ENTPD3: variants seen among roughly 807,000 people sequenced by gnomAD.
ENTPD3 encodes the protein ectonucleoside triphosphate diphosphohydrolase 3, also known as CD39 antigen-like 3.
Under a neutral mutation model 51.2 loss-of-function variants are expected in ENTPD3, and 60 were observed. The ratio of observed to expected loss-of-function variants is 1.17; its 90% CI spans 0.95 to 1.45. The LOEUF is 1.45. Ranked by LOEUF, ENTPD3 falls within the 40% of genes most tolerant of loss-of-function variation. ENTPD3 has a pLI of 0.00. For missense variants in ENTPD3, 593 were observed against 641.1 expected (o/e 0.93, Z 0.81); for synonymous variants, 221 against 238.4 (o/e 0.93, Z 0.67).
At chr3:40,407,495 G>A (rs1955530850) in intron 4 of ENTPD3, among the ~76,000 whole-genome samples, 1 of 152,130 alleles carries the variant, frequency 6.6e-6, no homozygotes, top group Admixed American at 6.5e-5. Context: ...AAACAGGTAT[G>A]GGGTCAAATA....
chr3:40,392,150 G>T lies in ENTPD3; in HGVS notation c.168G>T (p.Lys56Asn), dbSNP rs1955072468. 1.2e-6 allele frequency: 2 copies of T among 1,613,814 alleles called. No homozygotes were observed. The highest frequency in any genetic ancestry group is 1.7e-6 in the Non-Finnish European group (2 of 1,179,936). ...HKQEVLPPGL[K>N]YGIVLDAGSS... is the part of the protein sequence containing the mutation. ...AAGAGGTCCTCCCTCCAGGACTGAA[G>T]GTAAGTGTGAAGGGACTGGCAACAA... The change falls in exon 3 of 11, where the codon AAG (lysine) becomes AAT (asparagine). Residue 56 changes from lysine to asparagine, a missense_variant and splice_region_variant. Coordinates refer to ENST00000301825, the MANE Select transcript of ENTPD3 (RefSeq NM_001248.4).
At chr3:40,397,926 A>T (rs536158208) in intron 3 of ENTPD3, among the ~76,000 whole-genome samples, 1 of 152,180 alleles carries the variant, frequency 6.6e-6, no homozygotes, top group Non-Finnish European at 1.5e-5. Context: ...TTATCCGAAC[A>T]TCACCTTGCC....
At chr3:40,409,863 T>C (rs538349862) in intron 4 of ENTPD3, among the ~76,000 whole-genome samples, 102 of 152,200 alleles carry the variant, frequency 6.7e-4, no homozygotes, top group African/African-American at 2.4e-3. Flanking sequence ...CACTAGGAAG[T>C]ATTGTTGAAT....
chr3:40,396,310 T>C (rs1253756469), intron 3 of ENTPD3, among the ~76,000 whole-genome samples: 1 of 152,198 alleles, frequency 6.6e-6, no homozygotes, highest in African/African-American at 2.4e-5. Context: ...TTTTTTTGTT[T>C]TGAAGAGGAT....
intron 3 of ENTPD3, among the ~76,000 whole-genome samples, chr3:40,400,665 T>C (rs1159444431): frequency 2.0e-5 from 3 of 152,174 alleles, no homozygotes; most frequent in African/African-American, 7.2e-5. Context: ...TCTAATGCAT[T>C]GCAAAGTGAT....
At chr3:40,419,702 C>A (rs953737582) in intron 7 of ENTPD3, among the ~76,000 whole-genome samples, 2 of 152,090 alleles carry the variant, frequency 1.3e-5, no homozygotes, top group Non-Finnish European at 2.9e-5. Context: ...TAGTTTTCAT[C>A]ATTGGTTCTG....
intron 5 of ENTPD3, among the ~76,000 whole-genome samples, chr3:40,412,383 C>T (rs1302249205): frequency 6.6e-6 from 1 of 152,194 alleles, no homozygotes; most frequent in African/African-American, 2.4e-5. Flanking sequence ...TGCTTTAAAA[C>T]AATGGCATGT....
rs1448111777 is a variant in ENTPD3 at position 40,423,134 on chromosome 3, AC to A, written c.1104+14del. ...AAGGGCCATTTGTGGTAAGAGCAAA[AC>A]CTTCTGAAAGATTCCTTTCCCCATT... On this transcript the variant is annotated intron_variant, in intron 8 of 10. Transcript: ENST00000301825. The A allele has an allele frequency of 3.1e-6, 5 of 1,601,522 alleles. No individual in the cohort carries two copies. Among genetic ancestry groups the A allele is most frequent in the Non-Finnish European group, 4.3e-6 (5 of 1,173,060 alleles).
chr3:40,428,443 T>G lies in ENTPD3; in HGVS notation c.*935T>G, dbSNP rs1040199348. ...TTCCCAGATCATAGACCTCTCTGCA[T>G]AGTAGTCATAGGTCTTGACTTTGGG... On this transcript the variant is annotated 3_prime_UTR_variant, in exon 11 of 11. Transcript: ENST00000301825. 3 of 152,188 alleles carry G rather than the reference T, an allele frequency of 2.0e-5. No homozygotes were observed. Among genetic ancestry groups the G allele is most frequent in the Non-Finnish European group, 4.4e-5 (3 of 68,040 alleles). The allele number at this position is 152,188 out of a possible 1,614,324, so 9.4% of individuals were successfully genotyped here.
chr3:40,387,723 A>G (rs1254238883), intron 1 of ENTPD3, among the ~76,000 whole-genome samples: 1 of 152,176 alleles, frequency 6.6e-6, no homozygotes, highest in Non-Finnish European at 1.5e-5. Context: ...GTGAATGTTA[A>G]TAATAGGGGG....
At chr3:40,402,111 C>CT (rs775322652) in intron 4 of ENTPD3, among the ~76,000 whole-genome samples, 18,573 of 97,826 alleles carry the variant, frequency 0.19, 3,825 homozygotes, top group African/African-American at 0.52. Flanking sequence ...ATTTCCTTTC[C>CT]TTTTTTTTTT....
chr3:40,392,010 C>A lies in ENTPD3; in HGVS notation c.41-13C>A, dbSNP rs776719973. ...CCTCCCCCTCAAGTGTCTTCTGGGT[C>A]TTCTCATTTTAGGCCTCAAGGCCCT... On this transcript the variant is annotated splice_polypyrimidine_tract_variant and intron_variant, in intron 2 of 10. Transcript: ENST00000301825. 6.2e-7 allele frequency: 1 copy of A among 1,613,810 alleles called. No homozygotes were observed. The highest frequency in any genetic ancestry group is 8.5e-7 in the Non-Finnish European group (1 of 1,179,998).
At chr3:40,424,556 T>C (rs1014860248) in intron 10 of ENTPD3, among the ~76,000 whole-genome samples, 2 of 151,904 alleles carry the variant, frequency 1.3e-5, no homozygotes, top group African/African-American at 2.4e-5. Flanking sequence ...TTAATATATT[T>C]AAAAATATGT....
intron 7 of ENTPD3, among the ~76,000 whole-genome samples, chr3:40,420,964 G>A: frequency 6.6e-6 from 1 of 151,342 alleles, no homozygotes; most frequent in African/African-American, 2.4e-5. Flanking sequence ...AGACCAACCT[G>A]GGTAACACAG....
chr3:40,427,144 G>A (rs1475368608), intron 10 of ENTPD3, 128 bp from the exon 11 acceptor site: 1 of 745,564 alleles, frequency 1.3e-6, no homozygotes, highest in Non-Finnish European at 2.3e-6. Context: ...ACTTGGGCAA[G>A]TCCTTTGACC....
intron 7 of ENTPD3, among the ~76,000 whole-genome samples, chr3:40,419,978 G>T (rs548105223): frequency 1.3e-4 from 20 of 152,234 alleles, no homozygotes; most frequent in African/African-American, 4.3e-4. Context: ...CTTAAAGAAT[G>T]CCATAACAAA....
Position 40,401,064 on chromosome 3 carries a change from A to T in ENTPD3, c.286+53A>T. On this transcript the variant is annotated intron_variant, in intron 4 of 10. Transcript: ENST00000301825. ...ACAATGGGCAGCAAGGTAGAGTTCT[A>T]AGTGTTTTGGAGGCCTGGAGAGGTC... 8 of 1,418,004 alleles carry T rather than the reference A, an allele frequency of 5.6e-6. No individual in the cohort carries two copies. In the Admixed American group the frequency reaches 8.5e-5, roughly 15 times the overall value. The allele number at this position is 1,418,004 out of a possible 1,614,324, so 87.8% of individuals were successfully genotyped here. A position where few individuals can be genotyped will look rare whatever the true frequency, so the allele number is the denominator to read the frequency against.
intron 6 of ENTPD3, 87 bp from the exon 7 acceptor site, chr3:40,415,753 T>G: frequency 3.1e-6 from 3 of 971,492 alleles, no homozygotes; most frequent in Non-Finnish European, 4.8e-6. Context: ...TTCTTAGTAA[T>G]AGGAGACGAG....
intron 4 of ENTPD3, among the ~76,000 whole-genome samples, chr3:40,404,354 T>G (rs1955443337): frequency 6.6e-6 from 1 of 152,236 alleles, no homozygotes; most frequent in African/African-American, 2.4e-5. Flanking sequence ...CTGTTATTCA[T>G]GGGGCACCAC....
Sources: allele counts gnomAD v4.1 joint callset (sites outside exome capture counted in the v4.1 genomes callset), GRCh38; gene constraint gnomAD v4.1.1; transcripts MANE v1.5; gene names NCBI Gene and HGNC (gene_info 2026-07-23, HGNC 2026-07-21).